Variants in SLC13A1 observed in about 807,000 individuals in gnomAD.
SLC13A1 encodes the protein Na(+)/sulfate cotransporter.
Under a neutral mutation model 70.0 loss-of-function variants are expected in SLC13A1, and 65 were observed. That is an observed-to-expected ratio of 0.93 (90% CI 0.76 to 1.14). The LOEUF is 1.14. Among genes scored for constraint, SLC13A1 ranks in the 50% most tolerant of loss-of-function variants. The probability of loss-of-function intolerance (pLI) is 0.00; values close to 1 mark genes in which losing one functional copy is unlikely to be tolerated. For missense variants in SLC13A1, 726 were observed against 717.8 expected (o/e 1.01, Z -0.13); for synonymous variants, 275 against 250.5 (o/e 1.10, Z -0.92).
chr7:123,142,115 G>A (rs1036801738), intron 7 of SLC13A1, among the ~76,000 whole-genome samples: 1 of 152,092 alleles, frequency 6.6e-6, no homozygotes, highest in African/African-American at 2.4e-5. Context: ...AAGGCTTGAT[G>A]TTCTAATGTA....
chr7:123,127,899 G>C (rs1174020475), intron 10 of SLC13A1, among the ~76,000 whole-genome samples: 1 of 128,278 alleles, frequency 7.8e-6, no homozygotes, highest in Non-Finnish European at 1.5e-5. Context: ...GTCCAAGTAA[G>C]ACATGTGCTG....
rs1380802630 is a variant in SLC13A1 at position 123,133,426 on chromosome 7, T to TA, written c.932+983_932+984insT. Reference sequence around the variant, plus strand: ...CAAGTGGAGGGGCAAACCTTAAAATTCCCCTTTAACAAGTTGGACATCAGA... The same window carrying TA: ...CAAGTGGAGGGGCAAACCTTAAAATTACCCCTTTAACAAGTTGGACATCAGA... On this transcript the variant is annotated intron_variant, in intron 8 of 14. Coordinates refer to ENST00000194130, the MANE Select transcript of SLC13A1 (RefSeq NM_022444.4). Among the ~76,000 whole-genome samples the TA allele has an allele frequency of 9.1e-3, 1,391 of 152,278 alleles. 16 individuals are homozygous for TA. The highest frequency in any genetic ancestry group is 0.032 in the African/African-American group (1,319 of 41,554).
chr7:123,119,330 T>C (rs1793295705), intron 12 of SLC13A1, 88 bp from the exon 13 acceptor site: 1 of 932,580 alleles, frequency 1.1e-6, no homozygotes, highest in East Asian at 2.6e-5. Flanking sequence ...ATTATTTCCT[T>C]TGAAAACTCA....
chr7:123,123,105 A>G (rs1399806965), intron 12 of SLC13A1, 21 bp downstream of exon 12: 18 of 1,493,016 alleles, frequency 1.2e-5, no homozygotes, highest in South Asian at 2.3e-5. Context: ...ATTGTTAAAT[A>G]TCTTACACAC....
chr7:123,156,585 T>C (rs1274142048), intron 6 of SLC13A1, among the ~76,000 whole-genome samples: 1 of 152,158 alleles, frequency 6.6e-6, no homozygotes, highest in African/African-American at 2.4e-5. Context: ...GTTAAGTTAA[T>C]AACAGATTAT....
At chr7:123,132,159 C>T (rs1793786205) in intron 8 of SLC13A1, among the ~76,000 whole-genome samples, 1 of 152,162 alleles carries the variant, frequency 6.6e-6, no homozygotes, top group Non-Finnish European at 1.5e-5. Flanking sequence ...ACATTTGCTT[C>T]AGCAGGAGGA....
At chr7:123,134,249 C>T (rs1303177228) in intron 8 of SLC13A1, among the ~76,000 whole-genome samples, 161 bp downstream of exon 8, 1 of 152,104 alleles carries the variant, frequency 6.6e-6, no homozygotes, top group Admixed American at 6.6e-5. Flanking sequence ...TGAGATTCAA[C>T]CTTATCCTTA....
chr7:123,151,557 A>T (rs1794556411), intron 6 of SLC13A1, among the ~76,000 whole-genome samples: 1 of 152,078 alleles, frequency 6.6e-6, no homozygotes, highest in Non-Finnish European at 1.5e-5. Flanking sequence ...TGTCCTTAGC[A>T]TGTAATAAGC....
At chr7:123,119,947 A>G (rs960245721) in intron 12 of SLC13A1, among the ~76,000 whole-genome samples, 2 of 151,958 alleles carry the variant, frequency 1.3e-5, no homozygotes, top group African/African-American at 2.4e-5. Flanking sequence ...AGGAATAACT[A>G]TCTCATTATT....
intron 2 of SLC13A1, among the ~76,000 whole-genome samples, chr7:123,178,033 CTA>C (rs1554553496): frequency 1.6e-4 from 24 of 149,916 alleles, no homozygotes; most frequent in Admixed American, 3.3e-4. Flanking sequence ...CTCTCTCTCT[CTA>C]TATATATATA....
chr7:123,145,779 T>C (rs1398817607), intron 7 of SLC13A1, among the ~76,000 whole-genome samples: 1 of 152,202 alleles, frequency 6.6e-6, no homozygotes, highest in Non-Finnish European at 1.5e-5. Context: ...CCTAAACTCC[T>C]ATACCAGTGT....
chr7:123,159,586 A>G (rs910446271), intron 6 of SLC13A1, among the ~76,000 whole-genome samples: 1 of 152,196 alleles, frequency 6.6e-6, no homozygotes, highest in African/African-American at 2.4e-5. Context: ...CTATTTTGTT[A>G]TGGCAATCCT....
rs576033353 is a variant in SLC13A1 at position 123,114,284 on chromosome 7, A to G, written c.*1234T>C. On this transcript the variant is annotated 3_prime_UTR_variant, in exon 15 of 15. Transcript: ENST00000194130. Reference sequence around the variant, plus strand: ...TCTTTAAAAATTTATTTATTGATATATAATATTTGTACATATTTTGGGGGT... The same window carrying G: ...TCTTTAAAAATTTATTTATTGATATGTAATATTTGTACATATTTTGGGGGT... 2 of 152,176 alleles carry G rather than the reference A, an allele frequency of 1.3e-5. No individual in the cohort carries two copies. The highest frequency in any genetic ancestry group is 6.5e-5 in the Admixed American group (1 of 15,276). The allele number at this position is 152,176 out of a possible 1,614,324, so 9.4% of individuals were successfully genotyped here.
At position 123,166,500 on chromosome 7, in the gene SLC13A1, T is replaced by C. The variant is rs577052671; in HGVS notation, c.660+1874A>G. Among the ~76,000 whole-genome samples, 17 of 152,144 alleles carry C rather than the reference T, an allele frequency of 1.1e-4. No homozygotes were observed. In the South Asian group the frequency reaches 1.2e-3, roughly 11 times the overall value. Reference sequence around the variant, plus strand: ...TGTTGGTGTGCTGAACCCAGTAACTTGTCATTTAACATTAGGTATATCTCC... The same window carrying C: ...TGTTGGTGTGCTGAACCCAGTAACTCGTCATTTAACATTAGGTATATCTCC... On this transcript the variant is annotated intron_variant, in intron 6 of 14. Transcript: ENST00000194130.
In SLC13A1 at chr7:123,173,794, G is replaced by T. The variant is rs114781114; in HGVS notation, c.229-1890C>A. ...TACACAGTAGAGAGCTTGGTAAATA[G>T]AATTGAAAGAATGAGGGAGAGAGGG... On this transcript the variant is annotated intron_variant, in intron 2 of 14. Transcript: ENST00000194130. Among the ~76,000 whole-genome samples, 538 of 152,148 alleles carry T rather than the reference G, an allele frequency of 3.5e-3. 3 individuals are homozygous for T. Among genetic ancestry groups the T allele is most frequent in the African/African-American group, 0.012 (506 of 41,524 alleles).
intron 1 of SLC13A1, among the ~76,000 whole-genome samples, chr7:123,195,850 A>C (rs1230227359): frequency 1.3e-5 from 2 of 152,066 alleles, no homozygotes; most frequent in Non-Finnish European, 2.9e-5. Flanking sequence ...GATCTTAAAA[A>C]GGGGTCCTGA....
rs557962221 is a variant in SLC13A1, at chr7:123,187,314, T to A, written c.100-6213A>T. 4.7e-3 allele frequency among the ~76,000 whole-genome samples: 716 copies of A among 152,250 alleles called. 5 individuals are homozygous for A. The highest frequency in any genetic ancestry group is 0.016 in the African/African-American group (672 of 41,542). On this transcript the variant is annotated intron_variant, in intron 1 of 14. Coordinates refer to ENST00000194130, the MANE Select transcript of SLC13A1 (RefSeq NM_022444.4). ...GTTCCTCGTCCCTTAAATTAAAAAA[T>A]ATATATATTAGAAGCTTTTTAGCAG...
At chr7:123,116,997 T>A (rs1793201720) in intron 14 of SLC13A1, among the ~76,000 whole-genome samples, 1 of 152,204 alleles carries the variant, frequency 6.6e-6, no homozygotes, top group Admixed American at 6.5e-5. Flanking sequence ...GTCCTGGTAT[T>A]GAAATCACAA....
chr7:123,188,311 C>T, intron 1 of SLC13A1, among the ~76,000 whole-genome samples: 1 of 152,180 alleles, frequency 6.6e-6, no homozygotes, highest in Non-Finnish European at 1.5e-5. Flanking sequence ...AATTAAACCT[C>T]ATTCCTTTAT....
Sources: allele counts gnomAD v4.1 joint callset (sites outside exome capture counted in the v4.1 genomes callset), GRCh38; gene constraint gnomAD v4.1.1; transcripts MANE v1.5; gene names NCBI Gene and HGNC (gene_info 2026-07-23, HGNC 2026-07-21).